The following DPP6 variants were observed in gnomAD, a reference collection of about 807,000 sequenced individuals.
DPP6 encodes the protein dipeptidyl peptidase like 6.
DPP6 carries 69 observed loss-of-function variants against 122.6 expected under a neutral mutation model. The ratio of observed to expected loss-of-function variants is 0.56; its 90% CI spans 0.46 to 0.69. The LOEUF (loss-of-function observed/expected upper bound fraction) is 0.69, where lower values mean the gene tolerates loss of function less well. DPP6 is among the 30% of genes least tolerant of loss of function. The pLI is 0.00. For missense variants in DPP6, 928 were observed against 1,116.9 expected (o/e 0.83, Z 2.41); for synonymous variants, 418 against 433.1 (o/e 0.97, Z 0.43).
chr7:153,846,415 C>T, the DPP6 span, among the ~76,000 whole-genome samples: 5 of 151,618 alleles, frequency 3.3e-5, no homozygotes, highest in Non-Finnish European at 7.4e-5. Context: ...GCTCTTTATT[C>T]TTCTTTCTCT....
intron 1 of DPP6, among the ~76,000 whole-genome samples, chr7:154,150,724 T>G (rs56389661): frequency 0.021 from 3,182 of 152,360 alleles, 104 homozygotes; most frequent in African/African-American, 0.072. Flanking sequence ...CCTGGAGCGC[T>G]GGCCCAGGCC....
chr7:154,161,703 CT>C (rs1796994905), intron 1 of DPP6, among the ~76,000 whole-genome samples: 1 of 67,000 alleles, frequency 1.5e-5, no homozygotes, highest in Non-Finnish European at 2.8e-5. Context: ...TCAGATTTAC[CT>C]TTTTTTCCTA....
At chr7:153,994,300 G>T (rs546415348) in intron 1 of DPP6, among the ~76,000 whole-genome samples, 1 of 151,848 alleles carries the variant, frequency 6.6e-6, no homozygotes, top group African/African-American at 2.4e-5. Context: ...CCTCTGCCTA[G>T]CCATGGTGCC....
At chr7:154,082,943 G>A (rs1164135566) in intron 1 of DPP6, among the ~76,000 whole-genome samples, 1 of 148,944 alleles carries the variant, frequency 6.7e-6, no homozygotes, top group East Asian at 2.0e-4. Context: ...CTGTCTTCTG[G>A]GTTCACACCA....
At chr7:154,734,173 C>T (rs1226959451) in intron 8 of DPP6, among the ~76,000 whole-genome samples, 2 of 152,256 alleles carry the variant, frequency 1.3e-5, no homozygotes, top group African/African-American at 4.8e-5. Context: ...TCTTTAGAGA[C>T]AGGCTCTCAC....
chr7:153,836,498 A>G, the DPP6 span, among the ~76,000 whole-genome samples: 1,862 of 152,302 alleles, frequency 0.012, 51 homozygotes, highest in African/African-American at 0.043. Flanking sequence ...AGGACATTAT[A>G]TAATTTATCT....
intron 1 of DPP6, among the ~76,000 whole-genome samples, chr7:154,359,940 G>A (rs1214612567): frequency 2.6e-5 from 4 of 152,270 alleles, no homozygotes; most frequent in South Asian, 4.1e-4. Context: ...GGACAAGAAC[G>A]ATCTCCTTGG....
intron 1 of DPP6, among the ~76,000 whole-genome samples, chr7:154,357,457 A>C (rs1811362170): frequency 1.3e-5 from 2 of 152,184 alleles, no homozygotes; most frequent in African/African-American, 4.8e-5. Context: ...CGGCTTTGGT[A>C]AGGTCAATAA....
At chr7:154,050,943 C>CT (rs1299384525), upstream of DPP6, among the ~76,000 whole-genome samples, 2 of 149,310 alleles carry the variant, frequency 1.3e-5, no homozygotes, top group African/African-American at 5.0e-5. Flanking sequence ...GTGGAAGGGA[C>CT]TGAAGGAGGT....
chr7:154,855,255 A>T (rs1313421038), intron 17 of DPP6, among the ~76,000 whole-genome samples: 1 of 152,244 alleles, frequency 6.6e-6, no homozygotes, highest in Non-Finnish European at 1.5e-5. Context: ...CTATCAAATC[A>T]TTATTAGAAA....
chr7:154,806,909 G>T, intron 15 of DPP6, 85 bp from the exon 16 acceptor site: 2 of 1,554,318 alleles, frequency 1.3e-6, no homozygotes, highest in South Asian at 1.2e-5. Context: ...CACCCTCATG[G>T]GGAGAGCCCA....
chr7:153,789,363 A>G, the DPP6 span, among the ~76,000 whole-genome samples: 190 of 152,334 alleles, frequency 1.2e-3, no homozygotes, highest in African/African-American at 3.7e-3. Flanking sequence ...TCAAGAATCA[A>G]TGTAATTGTC....
chr7:154,688,119 C>T (rs938002345), intron 7 of DPP6, among the ~76,000 whole-genome samples: 1 of 152,196 alleles, frequency 6.6e-6, no homozygotes, highest in Non-Finnish European at 1.5e-5. Flanking sequence ...GCATGCTGCT[C>T]CTAAGAGTGT....
At chr7:154,685,069 T>G (rs1029631213) in intron 7 of DPP6, among the ~76,000 whole-genome samples, 3 of 152,238 alleles carry the variant, frequency 2.0e-5, no homozygotes, top group African/African-American at 7.2e-5. Flanking sequence ...GAACATCTCA[T>G]TGTTACACAG....
the DPP6 span, among the ~76,000 whole-genome samples, chr7:153,765,477 G>A: frequency 6.6e-6 from 1 of 151,988 alleles, no homozygotes; most frequent in African/African-American, 2.4e-5. Flanking sequence ...GGGAGGTGGA[G>A]GTTGCAGTGA....
At chr7:153,940,182 A>G (rs1801632838) in intron 1 of DPP6, among the ~76,000 whole-genome samples, 2 of 152,174 alleles carry the variant, frequency 1.3e-5, no homozygotes, top group African/African-American at 2.4e-5. Context: ...GGAAAGAGGG[A>G]AAACTCATTT....
At chr7:153,835,211 A>G in the DPP6 span, among the ~76,000 whole-genome samples, 1 of 152,328 alleles carries the variant, frequency 6.6e-6, no homozygotes, top group East Asian at 1.9e-4. Context: ...CCTGACAAGT[A>G]ATTTAGTGAC....
intron 1 of DPP6, among the ~76,000 whole-genome samples, 186 bp from the exon 2 acceptor site, chr7:154,446,028 T>C (rs1246740888): frequency 6.6e-6 from 1 of 152,232 alleles, no homozygotes; most frequent in South Asian, 2.1e-4. Context: ...CCGAAGGCTT[T>C]GGGCCACTGA....
intron 1 of DPP6, among the ~76,000 whole-genome samples, chr7:153,944,788 G>A (rs938746503): frequency 6.9e-6 from 1 of 144,258 alleles, no homozygotes; most frequent in East Asian, 2.2e-4. Context: ...ACACCACCAC[G>A]CCTGGCTAAT....
Sources: gnomAD v4.1 joint callset for allele counts (sites outside exome capture counted in the v4.1 genomes callset) on GRCh38, gnomAD v4.1.1 for gene constraint, MANE v1.5 for transcripts, NCBI Gene and HGNC (gene_info 2026-07-23, HGNC 2026-07-21) for gene names.